The following ANGPT1 variants were observed in gnomAD, a reference collection of about 807,000 sequenced individuals.
ANGPT1 encodes angiopoietin-1.
ANGPT1 carries 17 observed loss-of-function variants against 62.2 expected under a neutral mutation model. The ratio of observed to expected loss-of-function variants is 0.27; its 90% CI spans 0.19 to 0.41. ANGPT1 has a LOEUF of 0.41. Ranked by LOEUF, ANGPT1 falls within the 10% of genes least tolerant of loss-of-function variation. ANGPT1 has a pLI of 1.00. For synonymous variants in ANGPT1, 199 were observed against 198.9 expected (o/e 1.00, Z 0.00); for missense variants, 478 against 594.9 (o/e 0.80, Z 2.04).
chr8:107,342,398 T>G (rs1815713186), intron 2 of ANGPT1, among the ~76,000 whole-genome samples: 1 of 152,180 alleles, frequency 6.6e-6, no homozygotes, highest in Non-Finnish European at 1.5e-5. Context: ...TCTTAGGAAT[T>G]TATATCCTAG....
chr8:107,386,047 GA>G (rs1816726106), intron 1 of ANGPT1, among the ~76,000 whole-genome samples: 1 of 151,916 alleles, frequency 6.6e-6, no homozygotes, highest in South Asian at 2.1e-4. Context: ...ATACACCATA[GA>G]ATACTACACA....
intron 4 of ANGPT1, among the ~76,000 whole-genome samples, chr8:107,320,940 T>C (rs1417319577): frequency 6.6e-6 from 1 of 152,142 alleles, no homozygotes; most frequent in African/African-American, 2.4e-5. Flanking sequence ...AACCACTTCA[T>C]GAATGGTCAC....
intron 1 of ANGPT1, among the ~76,000 whole-genome samples, chr8:107,426,163 C>A (rs970926236): frequency 2.0e-5 from 3 of 152,168 alleles, no homozygotes; most frequent in Admixed American, 6.5e-5. Context: ...AATTCTACAA[C>A]AACCAGCAAC....
intron 1 of ANGPT1, among the ~76,000 whole-genome samples, chr8:107,477,613 A>G (rs940718118): frequency 6.6e-6 from 1 of 152,188 alleles, no homozygotes; most frequent in Admixed American, 6.6e-5. Flanking sequence ...ATCATCTCAC[A>G]TAATCATAAC....
rs192619634 is a variant in ANGPT1 at position 107,251,695 on chromosome 8, C to G, written c.*160G>C. 40 of 903,016 alleles carry G rather than the reference C, an allele frequency of 4.4e-5. No homozygotes were observed. Among genetic ancestry groups the G allele is most frequent in the East Asian group, 4.3e-4 (16 of 37,370 alleles). The allele number at this position is 903,016 out of a possible 1,614,324, so 55.9% of individuals were successfully genotyped here. On this transcript the variant is annotated 3_prime_UTR_variant, in exon 9 of 9. Coordinates refer to ENST00000517746, the MANE Select transcript of ANGPT1 (RefSeq NM_001146.5). ...GAGACTCTTGTGAACTCAAACGGCT[C>G]CAGATTCACGGTCAAGAACCTTGGT...
intron 1 of ANGPT1, among the ~76,000 whole-genome samples, chr8:107,426,823 A>T (rs1345116824): frequency 6.6e-6 from 1 of 152,220 alleles, no homozygotes; most frequent in Non-Finnish European, 1.5e-5. Context: ...TCCTTAAGAC[A>T]CTAAGAAGCT....
At chr8:107,461,138 A>G (rs541815133) in intron 1 of ANGPT1, among the ~76,000 whole-genome samples, 2 of 152,276 alleles carry the variant, frequency 1.3e-5, no homozygotes, top group African/African-American at 4.8e-5. Flanking sequence ...ATTTGTCACT[A>G]TCTTATTTAT....
chr8:107,371,379 C>G (rs1409751954), intron 1 of ANGPT1, among the ~76,000 whole-genome samples: 2 of 152,062 alleles, frequency 1.3e-5, no homozygotes, highest in Non-Finnish European at 2.9e-5. Flanking sequence ...TCTTGTTCTC[C>G]CCAGTCCTCA....
intron 3 of ANGPT1, among the ~76,000 whole-genome samples, chr8:107,329,814 G>A (rs979755258): frequency 2.6e-5 from 4 of 151,974 alleles, no homozygotes; most frequent in South Asian, 2.1e-4. Context: ...AATTGTGCCC[G>A]GGAGCAGGAA....
intron 1 of ANGPT1, among the ~76,000 whole-genome samples, chr8:107,446,723 T>C (rs1196979700): frequency 6.6e-6 from 1 of 152,204 alleles, no homozygotes; most frequent in Non-Finnish European, 1.5e-5. Context: ...ATGGAAAGAA[T>C]AGAACTTAAT....
At chr8:107,357,812 G>A (rs1483059708) in intron 1 of ANGPT1, among the ~76,000 whole-genome samples, 2 of 152,100 alleles carry the variant, frequency 1.3e-5, no homozygotes, top group Non-Finnish European at 2.9e-5. Context: ...ACCATGACTA[G>A]GTAGAAAATT....
intron 1 of ANGPT1, among the ~76,000 whole-genome samples, chr8:107,472,141 A>G (rs182514877): frequency 1.3e-5 from 2 of 152,188 alleles, no homozygotes; most frequent in Admixed American, 1.3e-4. Context: ...ATGGGTTTTG[A>G]AAAAGAGAAC....
intron 1 of ANGPT1, among the ~76,000 whole-genome samples, chr8:107,378,804 T>C (rs1432182615): frequency 6.6e-6 from 1 of 152,154 alleles, no homozygotes; most frequent in Non-Finnish European, 1.5e-5. Flanking sequence ...GATTGTAAGT[T>C]TCCCGAGGCC....
In ANGPT1 at chr8:107,264,433, C is replaced by T. The variant is rs1423582437; in HGVS notation, c.1206-82G>A. On this transcript the variant is annotated intron_variant, in intron 7 of 8. Transcript: ENST00000517746. ...AGAAGACCAGCTTGTTGAATGTTTGCCTTTTTCATCATTTTCTTCTTTCTT... is the reference window on the plus strand; with the variant it reads ...AGAAGACCAGCTTGTTGAATGTTTGTCTTTTTCATCATTTTCTTCTTTCTT... 2.7e-6 allele frequency: 4 copies of T among 1,497,534 alleles called. No individual in the cohort carries two copies. In the African/African-American group the frequency reaches 4.2e-5, roughly 16 times the overall value. The allele number at this position is 1,497,534 out of a possible 1,614,324, so 92.8% of individuals were successfully genotyped here. A position where few individuals can be genotyped will look rare whatever the true frequency, so the allele number is the denominator to read the frequency against.
At chr8:107,481,797 T>C (rs1812694942) in intron 1 of ANGPT1, among the ~76,000 whole-genome samples, 1 of 151,974 alleles carries the variant, frequency 6.6e-6, no homozygotes, top group Admixed American at 6.6e-5. Context: ...ACCATCAGAT[T>C]CCGTGAGAAC....
At chr8:107,275,864 GA>G (rs1813852239) in intron 7 of ANGPT1, among the ~76,000 whole-genome samples, 1 of 152,134 alleles carries the variant, frequency 6.6e-6, no homozygotes, top group African/African-American at 2.4e-5. Flanking sequence ...AAGTTTCTAG[GA>G]CAGCAGTGGT....
chr8:107,295,688 G>C (rs1421307886), intron 5 of ANGPT1: 1 of 152,102 alleles, frequency 6.6e-6, no homozygotes, highest in Non-Finnish European at 1.5e-5. Flanking sequence ...TCAAAGGCTA[G>C]CAAAGAAAAT....
chr8:107,491,705 T>C (rs1206429685), intron 1 of ANGPT1, among the ~76,000 whole-genome samples: 9 of 152,168 alleles, frequency 5.9e-5, no homozygotes, highest in African/African-American at 2.2e-4. Context: ...TAGTAAATGA[T>C]GGGGCCAGTG....
At chr8:107,390,848 C>T (rs568513822) in intron 1 of ANGPT1, among the ~76,000 whole-genome samples, 1 of 152,016 alleles carries the variant, frequency 6.6e-6, no homozygotes, top group Non-Finnish European at 1.5e-5. Flanking sequence ...TAGTGAGAGG[C>T]CAGGCTAGGT....
Sources: gnomAD v4.1 joint callset for allele counts (sites outside exome capture counted in the v4.1 genomes callset) on GRCh38, gnomAD v4.1.1 for gene constraint, MANE v1.5 for transcripts, NCBI Gene and HGNC (gene_info 2026-07-23, HGNC 2026-07-21) for gene names.